The following GPC5 variants were observed in gnomAD, a reference collection of about 807,000 sequenced individuals.
GPC5 encodes the protein glypican-5.
A neutral mutation model predicts 53.9 loss-of-function variants in GPC5; 47 were observed. The ratio of observed to expected loss-of-function variants is 0.87; its 90% CI spans 0.69 to 1.11. The LOEUF is 1.11. Among genes scored for constraint, GPC5 ranks in the 50% most tolerant of loss-of-function variants. The pLI, the probability that GPC5 is intolerant of heterozygous loss-of-function variation, is 0.00. For missense variants in GPC5, 748 were observed against 713.1 expected (o/e 1.05, Z -0.56); for synonymous variants, 286 against 263.3 (o/e 1.09, Z -0.84).
In GPC5 at chr13:91,571,843, GTGTA is replaced by G. The variant is rs1555325838; in HGVS notation, c.326-121342_326-121339del. Among the ~76,000 whole-genome samples the G allele has an allele frequency of 1.3e-3, 114 of 89,976 alleles. 4 individuals carry two copies. The highest frequency in any genetic ancestry group is 0.012 in the South Asian group (39 of 3,122). 59.0% of individuals were successfully genotyped at this position (89,976 alleles called of 152,430 possible). On this transcript the variant is annotated intron_variant, in intron 2 of 7. Coordinates refer to ENST00000377067, the MANE Select transcript of GPC5 (RefSeq NM_004466.6). ...TGTGTATATATACACATATACTTGT[GTGTA>G]TATACACATATACGTGTGTGTATAT...
intron 6 of GPC5, among the ~76,000 whole-genome samples, chr13:92,038,905 T>C (rs548839281): frequency 6.6e-6 from 1 of 152,178 alleles, no homozygotes; most frequent in Admixed American, 6.5e-5. Context: ...GAAGAACGCA[T>C]CTAAGGAGGT....
chr13:91,551,602 T>C (rs573733101), intron 2 of GPC5, among the ~76,000 whole-genome samples: 3 of 152,242 alleles, frequency 2.0e-5, no homozygotes, highest in Admixed American at 6.5e-5. Flanking sequence ...GAAAAATGTA[T>C]TAAAAATGTA....
intron 7 of GPC5, among the ~76,000 whole-genome samples, chr13:92,298,334 G>C (rs968683698): frequency 6.6e-6 from 1 of 152,150 alleles, no homozygotes. Context: ...CCCAAGTTCT[G>C]TTCAGGAGGC....
chr13:91,646,895 C>G (rs1287884192), intron 2 of GPC5, among the ~76,000 whole-genome samples: 1 of 152,008 alleles, frequency 6.6e-6, no homozygotes, highest in Admixed American at 6.6e-5. Flanking sequence ...AATTAGGAAG[C>G]TTCTGTAATT....
intron 7 of GPC5, among the ~76,000 whole-genome samples, chr13:92,636,779 T>C (rs888591136): frequency 1.7e-4 from 26 of 152,296 alleles, no homozygotes; most frequent in Middle Eastern, 3.4e-3. Flanking sequence ...TAGTGAAAAT[T>C]GAATGAAACC....
intron 5 of GPC5, among the ~76,000 whole-genome samples, chr13:91,882,630 T>C (rs904178243): frequency 8.6e-4 from 130 of 151,074 alleles, no homozygotes; most frequent in African/African-American, 2.9e-3. Context: ...TGATTTTTTT[T>C]TTCTTTTCAG....
At chr13:92,762,218 A>G (rs1875211134) in intron 7 of GPC5, among the ~76,000 whole-genome samples, 1 of 152,180 alleles carries the variant, frequency 6.6e-6, no homozygotes, top group South Asian at 2.1e-4. Context: ...GACAGTGACA[A>G]TAAGTGATTA....
At chr13:91,467,126 T>C (rs954418558) in intron 2 of GPC5, among the ~76,000 whole-genome samples, 18 of 152,168 alleles carry the variant, frequency 1.2e-4, no homozygotes, top group Admixed American at 5.2e-4. Context: ...TTTTAAGAAG[T>C]TTAAAATCTA....
chr13:92,632,644 T>A (rs1481257178), intron 7 of GPC5, among the ~76,000 whole-genome samples: 1 of 152,058 alleles, frequency 6.6e-6, no homozygotes, highest in Non-Finnish European at 1.5e-5. Context: ...ATAAAATAGA[T>A]AAACAATTCT....
At chr13:92,174,630 TCTTTA>T (rs926824361) in intron 7 of GPC5, among the ~76,000 whole-genome samples, 1 of 151,736 alleles carries the variant, frequency 6.6e-6, no homozygotes, top group Non-Finnish European at 1.5e-5. Context: ...CCTATACACT[TCTTTA>T]CTTAAAAACA....
chr13:92,663,778 CA>C (rs1886446078), intron 7 of GPC5, among the ~76,000 whole-genome samples: 1 of 132,182 alleles, frequency 7.6e-6, no homozygotes, highest in Non-Finnish European at 1.6e-5. Context: ...ACTATATATA[CA>C]CACACTATAT....
At chr13:92,856,108 C>T (rs1447534485) in intron 7 of GPC5, among the ~76,000 whole-genome samples, 1 of 151,978 alleles carries the variant, frequency 6.6e-6, no homozygotes, top group Admixed American at 6.6e-5. Context: ...CAAAAATCCT[C>T]AGCAAAATAG....
At chr13:92,376,409 T>C (rs1389288253) in intron 7 of GPC5, among the ~76,000 whole-genome samples, 1 of 152,178 alleles carries the variant, frequency 6.6e-6, no homozygotes, top group Non-Finnish European at 1.5e-5. Flanking sequence ...ACTTGTCACC[T>C]TTTGAATGGG....
intron 7 of GPC5, among the ~76,000 whole-genome samples, chr13:92,609,170 A>G (rs1017336498): frequency 6.6e-6 from 1 of 152,188 alleles, no homozygotes; most frequent in African/African-American, 2.4e-5. Context: ...TCTTCCAGCA[A>G]CTTGGGTACG....
chr13:92,862,893 G>A (rs997567104), intron 7 of GPC5, among the ~76,000 whole-genome samples: 3 of 152,030 alleles, frequency 2.0e-5, no homozygotes, highest in African/African-American at 2.4e-5. Context: ...TTTAAAATAC[G>A]TAGACAGATG....
At chr13:91,973,840 T>C (rs1341294135) in intron 6 of GPC5, among the ~76,000 whole-genome samples, 5 of 152,166 alleles carry the variant, frequency 3.3e-5, no homozygotes, top group Non-Finnish European at 7.4e-5. Context: ...ATCATTCCTC[T>C]GGAAGTTTTG....
chr13:92,332,611 C>G (rs1036484908), intron 7 of GPC5, among the ~76,000 whole-genome samples: 3 of 152,052 alleles, frequency 2.0e-5, no homozygotes, highest in Non-Finnish European at 4.4e-5. Context: ...ATGTTAATAA[C>G]TATTAATGCT....
At chr13:91,746,460 T>C (rs1487079694) in intron 4 of GPC5, among the ~76,000 whole-genome samples, 1 of 152,184 alleles carries the variant, frequency 6.6e-6, no homozygotes, top group Non-Finnish European at 1.5e-5. Flanking sequence ...TTAGCTTTGG[T>C]CAAAATTAGA....
chr13:92,743,342 A>G (rs2139314577), intron 7 of GPC5, among the ~76,000 whole-genome samples: 1 of 152,018 alleles, frequency 6.6e-6, no homozygotes, highest in East Asian at 1.9e-4. Context: ...ATTCTCTTTG[A>G]AGCAATTGTG....
Sources: allele counts gnomAD v4.1 joint callset (sites outside exome capture counted in the v4.1 genomes callset), GRCh38; gene constraint gnomAD v4.1.1; transcripts MANE v1.5; gene names NCBI Gene and HGNC (gene_info 2026-07-23, HGNC 2026-07-21).